The following CPLANE1 variants were observed in gnomAD, a reference collection of about 807,000 sequenced individuals.
CPLANE1 encodes the protein ciliogenesis and planar polarity effector 1.
CPLANE1 carries 263 observed loss-of-function variants against 362.5 expected under a neutral mutation model. The ratio of observed to expected loss-of-function variants is 0.73; its 90% CI spans 0.66 to 0.80. The LOEUF (loss-of-function observed/expected upper bound fraction) is 0.80, where lower values mean the gene tolerates loss of function less well. Among genes scored for constraint, CPLANE1 ranks in the 30% least tolerant of loss-of-function variants. CPLANE1 has a pLI of 0.00. For synonymous variants in CPLANE1, 1,212 were observed against 1,302.6 expected, an observed-to-expected ratio of 0.93 and a Z score of 1.50; for missense variants, 3,461 against 3,793.4, an observed-to-expected ratio of 0.91 and a Z score of 2.30.
chr5:37,225,051 G>C (rs1796153860), intron 12 of CPLANE1, among the ~76,000 whole-genome samples: 1 of 148,966 alleles, frequency 6.7e-6, no homozygotes, highest in African/African-American at 2.5e-5. Flanking sequence ...TCCCGAACAG[G>C]TGAGATTACA....
chr5:37,148,106 C>T (rs894955137), intron 43 of CPLANE1, 75 bp downstream of exon 43: 2 of 1,029,074 alleles, frequency 1.9e-6, no homozygotes, highest in Non-Finnish European at 2.8e-6. Context: ...ACTTCTGGCA[C>T]TCCACAAAAC....
At chr5:37,087,102 A>G in the CPLANE1 span, among the ~76,000 whole-genome samples, 1 of 152,214 alleles carries the variant, frequency 6.6e-6, no homozygotes, top group African/African-American at 2.4e-5. Context: ...CCCGTTTCAC[A>G]GGCTCAGTTA....
At chr5:37,213,294 T>C (rs1185850464) in intron 16 of CPLANE1, among the ~76,000 whole-genome samples, 1 of 152,120 alleles carries the variant, frequency 6.6e-6, no homozygotes, top group Non-Finnish European at 1.5e-5. Context: ...AAGAAATAAT[T>C]AATAAATTAA....
chr5:37,206,178 A>G lies in CPLANE1; in HGVS notation c.3149+19T>C. 6.8e-7 allele frequency: 1 copy of G among 1,467,866 alleles called. No individual in the cohort carries two copies. Among genetic ancestry groups the G allele is most frequent in the Admixed American group, 2.0e-5 (1 of 50,788 alleles). 90.9% of individuals were successfully genotyped at this position (1,467,866 alleles called of 1,614,324 possible). On this transcript the variant is annotated intron_variant, in intron 17 of 52. Coordinates refer to ENST00000651892, the MANE Select transcript of CPLANE1 (RefSeq NM_001384732.1). ...TAGTTCAATCATACTATATCTTAAA[A>G]TTGCCTAAAAATCCATACCTCATGA...
At chr5:37,154,093 C>A in intron 41 of CPLANE1, 100 bp from the exon 42 acceptor site, 1 of 980,988 alleles carries the variant, frequency 1.0e-6, no homozygotes, top group Non-Finnish European at 1.5e-6. Flanking sequence ...ACCAACACAA[C>A]ACTACTTTCC....
intron 1 of CPLANE1, among the ~76,000 whole-genome samples, chr5:37,248,182 C>CA (rs1740447665): frequency 6.6e-6 from 1 of 151,874 alleles, no homozygotes; most frequent in African/African-American, 2.4e-5. Flanking sequence ...GGCTGCAGTG[C>CA]AGTGGCGCGA....
intron 41 of CPLANE1, among the ~76,000 whole-genome samples, chr5:37,154,405 T>G (rs963679347): frequency 6.6e-6 from 1 of 151,426 alleles, no homozygotes; most frequent in African/African-American, 2.4e-5. Flanking sequence ...TCAAAGCCAA[T>G]GACTCTTCTT....
At position 37,157,798 on chromosome 5, in the gene CPLANE1, T is replaced by C; in HGVS notation, c.7883A>G (p.Glu2628Gly). The change falls in exon 40 of 53, where the codon GAA (glutamate) becomes GGA (glycine). Residue 2628 changes from glutamate (E) to glycine (G), a missense_variant. By Grantham distance (98) the Glu-to-Gly change is moderately conservative. Around this residue, in one of 2 missense-constraint regions of CPLANE1, gnomAD observed 3,380 missense variants for 3,666.1 expected, o/e 0.92. Transcript: ENST00000651892. The part of the protein sequence containing the change: ...NDLLQELPVR[E>G]EPSNDNVIKQ... The stretch of plus-strand genomic sequence containing the variant: ...GATAACATTATCATTTGAAGGCTCT[T>C]CTCTCACAGGTAATTCCTGTAGAAG... 1 of 1,613,738 alleles carries C rather than the reference T, an allele frequency of 6.2e-7. No homozygotes were observed. Among genetic ancestry groups the C allele is most frequent in the Non-Finnish European group, 8.5e-7 (1 of 1,179,792 alleles).
At chr5:37,139,254 T>C (rs967246439) in intron 45 of CPLANE1, 86 bp downstream of exon 45, 10 of 1,282,406 alleles carry the variant, frequency 7.8e-6, no homozygotes, top group Non-Finnish European at 1.1e-5. Context: ...ATATATAATG[T>C]AAAAATTCAC....
intron 15 of CPLANE1, among the ~76,000 whole-genome samples, chr5:37,219,031 A>G (rs1043570777): frequency 1.3e-5 from 2 of 152,148 alleles, no homozygotes; most frequent in Non-Finnish European, 2.9e-5. Context: ...ACAATATTGC[A>G]AAAATAAACA....
intron 19 of CPLANE1, among the ~76,000 whole-genome samples, chr5:37,199,180 G>A (rs1162066033): frequency 1.3e-5 from 2 of 151,576 alleles, no homozygotes; most frequent in South Asian, 2.1e-4. Flanking sequence ...ATTTATAAAG[G>A]AAATTCTGAG....
At chr5:37,212,440 C>A in intron 16 of CPLANE1, 1 of 731,804 alleles carries the variant, frequency 1.4e-6, no homozygotes, top group Non-Finnish European at 2.6e-6. Flanking sequence ...AACATTTACT[C>A]CTTTGTAAAT....
chr5:37,172,158 T>C (rs574491790), intron 32 of CPLANE1, among the ~76,000 whole-genome samples: 5 of 152,240 alleles, frequency 3.3e-5, no homozygotes, highest in South Asian at 4.2e-4. Flanking sequence ...TAAAACAAGA[T>C]TGATATCATA....
At chr5:37,223,280 A>G (rs1034641607) in intron 14 of CPLANE1, among the ~76,000 whole-genome samples, 5 of 152,172 alleles carry the variant, frequency 3.3e-5, no homozygotes, top group Admixed American at 3.3e-4. Context: ...TGTCAACTCC[A>G]AGAGGCTTTC....
chr5:37,208,060 T>C (rs937394900), intron 16 of CPLANE1, among the ~76,000 whole-genome samples: 1 of 152,186 alleles, frequency 6.6e-6, no homozygotes, highest in Non-Finnish European at 1.5e-5. Context: ...GCAATCCTCC[T>C]GCCTCAGCCT....
chr5:37,147,111 G>GA (rs895806699), intron 43 of CPLANE1, among the ~76,000 whole-genome samples: 3 of 151,994 alleles, frequency 2.0e-5, no homozygotes, highest in African/African-American at 4.8e-5. Flanking sequence ...TGACTAATCA[G>GA]AAAAAATACA....
rs146114982 is a variant in CPLANE1, at chr5:37,148,003, G to A, written c.8461+178C>T. ...AAAAAAAAAAAAAAAAAAAAAGGCC[G>A]TGAGGTGGAAGCTAATCACATTACA... On this transcript the variant is annotated intron_variant, in intron 43 of 52. Coordinates refer to ENST00000651892, the MANE Select transcript of CPLANE1 (RefSeq NM_001384732.1). Among the ~76,000 whole-genome samples the A allele has an allele frequency of 2.8e-3, 364 of 132,146 alleles. 2 individuals are homozygous for A. Among genetic ancestry groups the A allele is most frequent in the Middle Eastern group, 9.0e-3 (2 of 222 alleles). The allele number at this position is 132,146 out of a possible 152,430, so 86.7% of individuals were successfully genotyped here. A position where few individuals can be genotyped will look rare whatever the true frequency, so the allele number is the denominator to read the frequency against.
At chr5:37,218,282 G>A (rs1304155212) in intron 15 of CPLANE1, among the ~76,000 whole-genome samples, 1 of 152,146 alleles carries the variant, frequency 6.6e-6, no homozygotes, top group African/African-American at 2.4e-5. Context: ...TACTAAGGCA[G>A]AAGGGGTTTA....
At chr5:37,157,645 T>C (rs934807360) in intron 40 of CPLANE1, 25 bp downstream of exon 40, 31 of 1,587,108 alleles carry the variant, frequency 2.0e-5, no homozygotes, top group Non-Finnish European at 2.5e-5. Context: ...AAATTATATT[T>C]GTTTTAAAAG....
Sources: allele counts gnomAD v4.1 joint callset (sites outside exome capture counted in the v4.1 genomes callset), GRCh38; gene constraint gnomAD v4.1.1; regional missense constraint gnomAD v4.1.1; transcripts MANE v1.5; gene names NCBI Gene and HGNC (gene_info 2026-07-23, HGNC 2026-07-21).